AGBL4: variants seen among roughly 807,000 people sequenced by gnomAD.
AGBL4 encodes cytosolic carboxypeptidase 6.
AGBL4 carries 58 observed loss-of-function variants against 66.4 expected under a neutral mutation model. The ratio of observed to expected loss-of-function variants is 0.87; its 90% CI spans 0.71 to 1.09. AGBL4 has a LOEUF of 1.09. AGBL4 is among the 50% of genes least tolerant of loss of function. The pLI is 0.00. For missense variants in AGBL4, 579 were observed against 631.0 expected, an observed-to-expected ratio of 0.92 and a Z score of 0.88; for synonymous variants, 234 against 222.9, an observed-to-expected ratio of 1.05 and a Z score of -0.44.
At chr1:48,716,482 A>G (rs965656267) in intron 6 of AGBL4, among the ~76,000 whole-genome samples, 9 of 152,152 alleles carry the variant, frequency 5.9e-5, no homozygotes, top group Non-Finnish European at 1.3e-4. Flanking sequence ...GGTGACTTAC[A>G]TTGCATTTGC....
intron 1 of AGBL4, among the ~76,000 whole-genome samples, chr1:49,970,945 C>G (rs1178515446): frequency 2.0e-5 from 3 of 152,072 alleles, no homozygotes; most frequent in African/African-American, 7.2e-5. Context: ...CTCTTTAACG[C>G]AGGGAATGAG....
intron 2 of AGBL4, among the ~76,000 whole-genome samples, chr1:49,851,106 T>C (rs1571714037): frequency 6.6e-6 from 1 of 152,154 alleles, no homozygotes; most frequent in Admixed American, 6.6e-5. Context: ...CAGTCAAACA[T>C]GAGGGTTTTA....
chr1:49,981,851 A>G (rs186000645), intron 1 of AGBL4, among the ~76,000 whole-genome samples: 3 of 152,316 alleles, frequency 2.0e-5, no homozygotes, highest in Admixed American at 1.3e-4. Flanking sequence ...TCTTTTATCT[A>G]TTTTGTAATC....
At chr1:48,919,609 T>G (rs1420977427) in intron 5 of AGBL4, among the ~76,000 whole-genome samples, 1 of 152,208 alleles carries the variant, frequency 6.6e-6, no homozygotes, top group East Asian at 1.9e-4. Flanking sequence ...TCAGGGTTTC[T>G]CAACACCAGC....
At chr1:49,555,440 G>C (rs1002820014) in intron 3 of AGBL4, among the ~76,000 whole-genome samples, 3 of 150,702 alleles carry the variant, frequency 2.0e-5, no homozygotes, top group South Asian at 2.1e-4. Flanking sequence ...GCACTGATTG[G>C]TGTGTTTACA....
intron 6 of AGBL4, among the ~76,000 whole-genome samples, chr1:48,769,570 CAA>C (rs1491349729): frequency 2.8e-5 from 4 of 142,384 alleles, no homozygotes; most frequent in East Asian, 2.0e-4. Context: ...CACACACACA[CAA>C]GTTAAATTTT....
chr1:49,037,788 GT>G (rs1664783143), intron 5 of AGBL4, among the ~76,000 whole-genome samples: 1 of 151,906 alleles, frequency 6.6e-6, no homozygotes, highest in African/African-American at 2.4e-5. Context: ...GACAGAATGT[GT>G]TTTGTGTTAA....
chr1:49,495,707 T>C (rs1374709760), intron 3 of AGBL4, among the ~76,000 whole-genome samples: 1 of 152,074 alleles, frequency 6.6e-6, no homozygotes, highest in African/African-American at 2.4e-5. Context: ...ATAAACTTTT[T>C]CCTTTTATCT....
chr1:48,717,424 T>C (rs1647070379), intron 6 of AGBL4, among the ~76,000 whole-genome samples: 1 of 152,238 alleles, frequency 6.6e-6, no homozygotes, highest in Admixed American at 6.5e-5. Context: ...CTATACATTA[T>C]GATTTTCAGA....
intron 3 of AGBL4, among the ~76,000 whole-genome samples, chr1:49,420,790 CTCAT>C (rs1021293877): frequency 4.1e-4 from 62 of 152,128 alleles, no homozygotes; most frequent in African/African-American, 1.5e-3. Flanking sequence ...GTATCATTCA[CTCAT>C]TCAGTCAGTC....
At chr1:49,816,923 C>A (rs982269427) in intron 2 of AGBL4, among the ~76,000 whole-genome samples, 2 of 152,134 alleles carry the variant, frequency 1.3e-5, no homozygotes, top group Admixed American at 6.5e-5. Context: ...AAGGTGAGAG[C>A]TGCTCACAAA....
intron 1 of AGBL4, among the ~76,000 whole-genome samples, chr1:50,014,382 TAAAGAA>T (rs1185162764): frequency 6.6e-6 from 1 of 150,972 alleles, no homozygotes; most frequent in Non-Finnish European, 1.5e-5. Flanking sequence ...AAAAAAAAGA[TAAAGAA>T]AAAGATAAAC....
intron 2 of AGBL4, among the ~76,000 whole-genome samples, chr1:49,733,112 C>A (rs1042175672): frequency 6.6e-6 from 1 of 152,042 alleles, no homozygotes; most frequent in Admixed American, 6.6e-5. Context: ...CCAAAGGAGG[C>A]CAGAAGGCAG....
chr1:49,245,623 C>A, intron 4 of AGBL4, 147 bp downstream of exon 4: 1 of 555,590 alleles, frequency 1.8e-6, no homozygotes, highest in Admixed American at 3.0e-5. Context: ...AGCTGTACAG[C>A]AGATAAACTA....
intron 2 of AGBL4, among the ~76,000 whole-genome samples, chr1:49,746,316 T>G (rs1321374364): frequency 1.3e-5 from 2 of 152,054 alleles, no homozygotes; most frequent in African/African-American, 4.8e-5. Flanking sequence ...TGCTTCCACA[T>G]GATAAAACTC....
intron 5 of AGBL4, among the ~76,000 whole-genome samples, chr1:49,033,480 G>T (rs1245042081): frequency 6.6e-6 from 1 of 152,142 alleles, no homozygotes; most frequent in Non-Finnish European, 1.5e-5. Flanking sequence ...AGAAAGAACA[G>T]AAGGAGACTA....
chr1:49,792,182 A>T (rs1275771355), intron 2 of AGBL4, among the ~76,000 whole-genome samples: 1 of 152,094 alleles, frequency 6.6e-6, no homozygotes, highest in East Asian at 1.9e-4. Flanking sequence ...GTTTGAGAGA[A>T]TTCCCACTAG....
intron 3 of AGBL4, among the ~76,000 whole-genome samples, chr1:49,381,713 G>A (rs1275274587): frequency 6.6e-6 from 1 of 151,854 alleles, no homozygotes; most frequent in African/African-American, 2.4e-5. Context: ...GGATGAAATT[G>A]GAAATCATCA....
intron 7 of AGBL4, 28 bp from the exon 8 acceptor site, chr1:48,653,479 C>A (rs1645967180): frequency 6.9e-7 from 1 of 1,454,198 alleles, no homozygotes; most frequent in Non-Finnish European, 9.4e-7. Flanking sequence ...CCCGGTTTAA[C>A]AACAAAGCAT....
Sources: allele counts gnomAD v4.1 joint callset (sites outside exome capture counted in the v4.1 genomes callset), GRCh38; gene constraint gnomAD v4.1.1; transcripts MANE v1.5; gene names NCBI Gene and HGNC (gene_info 2026-07-23, HGNC 2026-07-21).